The following ADAM29 variants were observed in gnomAD, a reference collection of about 807,000 sequenced individuals.
ADAM29 encodes disintegrin and metalloproteinase domain-containing protein 29.
For synonymous variants in ADAM29, 367 were observed against 342.3 expected (o/e 1.07, Z -0.80); for missense variants, 969 against 1,001.8 (o/e 0.97, Z 0.44).
chr4:174,966,180 C>T (rs987639453), intron 4 of ADAM29, among the ~76,000 whole-genome samples: 5 of 152,068 alleles, frequency 3.3e-5, no homozygotes, highest in African/African-American at 1.2e-4. Flanking sequence ...GACAAGAAAA[C>T]TGAATCTGCA....
intron 2 of ADAM29, among the ~76,000 whole-genome samples, chr4:174,926,860 A>C (rs180768164): frequency 6.6e-6 from 1 of 152,250 alleles, no homozygotes; most frequent in Admixed American, 6.5e-5. Context: ...AAATAGTTCT[A>C]TTGTCTTTAT....
chr4:174,940,602 A>G (rs1376272123), intron 4 of ADAM29, among the ~76,000 whole-genome samples: 1 of 152,084 alleles, frequency 6.6e-6, no homozygotes, highest in Non-Finnish European at 1.5e-5. Context: ...TTTTGCCAAC[A>G]TTCCTTGCCT....
intron 4 of ADAM29, among the ~76,000 whole-genome samples, chr4:174,969,509 A>G (rs1746348930): frequency 6.6e-6 from 1 of 151,982 alleles, no homozygotes; most frequent in Admixed American, 6.6e-5. Flanking sequence ...ACAAGTAACA[A>G]TTAAACTCAC....
At chr4:174,928,115 A>G (rs550618933) in intron 2 of ADAM29, among the ~76,000 whole-genome samples, 1 of 152,266 alleles carries the variant, frequency 6.6e-6, no homozygotes, top group East Asian at 1.9e-4. Context: ...CCCTAAGGGT[A>G]TACAAAAACC....
At chr4:174,941,591 C>T (rs998913120) in intron 4 of ADAM29, among the ~76,000 whole-genome samples, 5 of 152,074 alleles carry the variant, frequency 3.3e-5, no homozygotes, top group African/African-American at 1.2e-4. Flanking sequence ...TGAGAACTCA[C>T]TCACTGTCAT....
chr4:174,971,266 A>G (rs980206299), intron 4 of ADAM29, among the ~76,000 whole-genome samples: 2 of 152,214 alleles, frequency 1.3e-5, no homozygotes, highest in East Asian at 1.9e-4. Flanking sequence ...CAGTAATGCA[A>G]TATCTGTATC....
At chr4:174,966,557 T>C (rs1746170752) in intron 4 of ADAM29, among the ~76,000 whole-genome samples, 1 of 152,190 alleles carries the variant, frequency 6.6e-6, no homozygotes. Flanking sequence ...GGATAATTTA[T>C]CTCAAGGTAG....
intron 2 of ADAM29, among the ~76,000 whole-genome samples, chr4:174,926,285 C>A (rs62334414): frequency 0.27 from 40,697 of 151,864 alleles, 6,080 homozygotes; most frequent in Non-Finnish European, 0.34. Flanking sequence ...ATGCTCAGAC[C>A]ACTTCCCTGC....
chr4:174,929,143 T>C (rs992493974), intron 2 of ADAM29, among the ~76,000 whole-genome samples: 21 of 152,176 alleles, frequency 1.4e-4, no homozygotes, highest in Admixed American at 1.4e-3. Flanking sequence ...CTGTAAAATA[T>C]CCTCTCCTCT....
chr4:174,923,979 A>C (rs1369422243), intron 2 of ADAM29: 2 of 152,312 alleles, frequency 1.3e-5, no homozygotes, highest in Admixed American at 6.5e-5. Flanking sequence ...CTCTGTCTTC[A>C]TGAATTCTTT....
chr4:174,957,232 C>A (rs1272842791), intron 4 of ADAM29, among the ~76,000 whole-genome samples: 1 of 151,788 alleles, frequency 6.6e-6, no homozygotes, highest in East Asian at 1.9e-4. Flanking sequence ...GTTATGAATA[C>A]CTTCAAAATA....
chr4:174,940,064 T>C (rs59276855), intron 4 of ADAM29, among the ~76,000 whole-genome samples: 25,977 of 151,702 alleles, frequency 0.17, 2,635 homozygotes, highest in African/African-American at 0.28. Context: ...ATATAAAGGG[T>C]AGATTTTATA....
chr4:174,957,762 A>G (rs1745585661), intron 4 of ADAM29, among the ~76,000 whole-genome samples: 1 of 151,880 alleles, frequency 6.6e-6, no homozygotes. Context: ...TATAATTAAT[A>G]TGAATCTATC....
intron 4 of ADAM29, among the ~76,000 whole-genome samples, chr4:174,959,202 C>T (rs183630483): frequency 1.3e-5 from 2 of 151,756 alleles, no homozygotes; most frequent in East Asian, 3.9e-4. Flanking sequence ...ATTACTTCTC[C>T]TTTATTTTTG....
chr4:174,957,002 T>C (rs998360795), intron 4 of ADAM29, among the ~76,000 whole-genome samples: 9 of 151,932 alleles, frequency 5.9e-5, no homozygotes, highest in Non-Finnish European at 1.3e-4. Context: ...TTTTTACCTT[T>C]CTTTGCGTGC....
At chr4:174,960,891 A>T (rs888803940) in intron 4 of ADAM29, among the ~76,000 whole-genome samples, 2 of 152,190 alleles carry the variant, frequency 1.3e-5, no homozygotes, top group Non-Finnish European at 2.9e-5. Context: ...GGAGATTCAT[A>T]GCAACCAATC....
chr4:174,960,899 A>G (rs1745775638), intron 4 of ADAM29, among the ~76,000 whole-genome samples: 2 of 152,158 alleles, frequency 1.3e-5, no homozygotes, highest in African/African-American at 2.4e-5. Flanking sequence ...ATAGCAACCA[A>G]TCAAAAAGAG....
At chr4:174,923,525 GTATATATATATAT>G (rs1743296689) in intron 2 of ADAM29, among the ~76,000 whole-genome samples, 7 of 96,672 alleles carry the variant, frequency 7.2e-5, no homozygotes, top group East Asian at 4.1e-4. Flanking sequence ...TGCATTATAT[GTATATATATATAT>G]ATATATATAT....
Position 174,975,694 on chromosome 4 carries a change from C to T in ADAM29, c.169C>T (p.Pro57Ser). ...TCCAGGCTGGCTCTCCTATATCCTG[C>T]CCTTTGGAGGCCAGAAACACATTAT... ...TPPGWLSYIL[P>S]FGGQKHIIHI... The change falls in exon 5 of 5, where the codon CCC (proline) becomes TCC (serine). Residue 57 changes from proline (P) to serine (S), a missense_variant. By Grantham distance (74) the Pro-to-Ser change is moderately conservative. Coordinates refer to ENST00000359240, the MANE Select transcript of ADAM29 (RefSeq NM_014269.4). 1 of 1,611,582 alleles carries T rather than the reference C, an allele frequency of 6.2e-7. No homozygotes were observed. Among genetic ancestry groups the T allele is most frequent in the African/African-American group, 1.3e-5 (1 of 74,912 alleles).
Sources: allele counts gnomAD v4.1 joint callset (sites outside exome capture counted in the v4.1 genomes callset), GRCh38; gene constraint gnomAD v4.1.1; transcripts MANE v1.5; gene names NCBI Gene and HGNC (gene_info 2026-07-23, HGNC 2026-07-21).